Variants in EYA2 observed in about 807,000 individuals in gnomAD.
The protein encoded by EYA2 is protein phosphatase EYA2.
Under a neutral mutation model 69.2 loss-of-function variants are expected in EYA2, and 31 were observed. The ratio of observed to expected loss-of-function variants is 0.45; its 90% CI spans 0.34 to 0.60. The LOEUF (loss-of-function observed/expected upper bound fraction) is 0.60. EYA2 is among the 20% of genes least tolerant of loss of function. The probability of loss-of-function intolerance (pLI) is 0.02; values close to 1 mark genes in which losing one functional copy is unlikely to be tolerated. For missense variants in EYA2, 622 were observed against 701.2 expected, an observed-to-expected ratio of 0.89 and a Z score of 1.28; for synonymous variants, 257 against 279.4, an observed-to-expected ratio of 0.92 and a Z score of 0.80.
intron 1 of EYA2, among the ~76,000 whole-genome samples, chr20:46,916,262 A>G (rs929211179): frequency 2.6e-5 from 4 of 152,158 alleles, no homozygotes; most frequent in African/African-American, 9.7e-5. Flanking sequence ...TTGAAATGCT[A>G]TTAAACCAAA....
chr20:47,026,233 C>A (rs1984075558), intron 5 of EYA2, among the ~76,000 whole-genome samples: 1 of 152,188 alleles, frequency 6.6e-6, no homozygotes, highest in South Asian at 2.1e-4. Flanking sequence ...AGTTAGCCAT[C>A]TGGAGAAAAG....
chr20:47,165,138 T>C (rs960557142), intron 10 of EYA2, among the ~76,000 whole-genome samples: 1 of 152,214 alleles, frequency 6.6e-6, no homozygotes, highest in African/African-American at 2.4e-5. Context: ...TCAATATAAC[T>C]ATAACTAGCC....
intron 5 of EYA2, among the ~76,000 whole-genome samples, chr20:47,022,655 C>CTTTTTTT (rs3092574): frequency 5.7e-5 from 6 of 105,596 alleles, no homozygotes; most frequent in African/African-American, 1.5e-4. Flanking sequence ...TAAACTTCAC[C>CTTTTTTT]TTTTTTTTTT....
rs544580271 is a variant in EYA2, at chr20:47,008,603, C to T, written c.298+3519C>T. On this transcript the variant is annotated intron_variant, in intron 4 of 15. Coordinates refer to ENST00000327619, the MANE Select transcript of EYA2 (RefSeq NM_005244.5). ...AAACTAGCCCTGTTCCCAGACAAAA[C>T]ATGGCATCAGATGGAAATCAATTTG... Among the ~76,000 whole-genome samples, 7 of 152,348 alleles carry T rather than the reference C, an allele frequency of 4.6e-5. No homozygotes were observed. The South Asian group carries it at 8.3e-4, about 18-fold the overall frequency.
At chr20:46,969,223 T>C (rs1190953901) in intron 1 of EYA2, among the ~76,000 whole-genome samples, 1 of 150,606 alleles carries the variant, frequency 6.6e-6, no homozygotes, top group Non-Finnish European at 1.5e-5. Context: ...TTTTTGGTTT[T>C]TTTTTTGTTT....
intron 10 of EYA2, among the ~76,000 whole-genome samples, chr20:47,153,281 C>T (rs893843706): frequency 6.6e-6 from 1 of 151,922 alleles, no homozygotes; most frequent in Non-Finnish European, 1.5e-5. Context: ...GTACATCAAA[C>T]CAGTGATGTC....
At chr20:47,126,733 A>C (rs544834003) in intron 9 of EYA2, among the ~76,000 whole-genome samples, 1 of 152,266 alleles carries the variant, frequency 6.6e-6, no homozygotes, top group Admixed American at 6.5e-5. Context: ...TAGAGGAGTG[A>C]TTCTCAACTA....
At position 46,987,916 on chromosome 20, in the gene EYA2, G is replaced by GACACTCTCTCTCTCTCTCTC. The variant is rs56288405; in HGVS notation, c.-10-2085_-10-2084insACACTCTCTCTCTCTCTCTC. ...TACTCCAGCCTGGAAGACAGAGTAA[G>GACACTCTCTCTCTCTCTCTC]TCTCTCTCTCTCTCTCTCTCTCTCT... On this transcript the variant is annotated intron_variant, in intron 1 of 15. Transcript: ENST00000327619. Among the ~76,000 whole-genome samples, 9 of 20,376 alleles carry GACACTCTCTCTCTCTCTCTC rather than the reference G, an allele frequency of 4.4e-4. 1 individual carries two copies. The East Asian group carries it at 0.01, about 23-fold the overall frequency. The allele number at this position is 20,376 out of a possible 152,430, so 13.4% of individuals were successfully genotyped here.
intron 5 of EYA2, among the ~76,000 whole-genome samples, chr20:47,026,769 A>T (rs73123709): frequency 1.6e-3 from 244 of 152,252 alleles, no homozygotes; most frequent in Non-Finnish European, 2.6e-3. Context: ...CCCCCCACCA[A>T]CGCTGGGGAT....
intron 1 of EYA2, among the ~76,000 whole-genome samples, chr20:46,952,951 T>C (rs1342662267): frequency 6.6e-6 from 1 of 152,184 alleles, no homozygotes; most frequent in African/African-American, 2.4e-5. Context: ...AAATGAGACT[T>C]CCTGAAACAT....
At chr20:46,944,806 G>A (rs1978356619) in intron 1 of EYA2, among the ~76,000 whole-genome samples, 2 of 152,114 alleles carry the variant, frequency 1.3e-5, no homozygotes, top group South Asian at 4.1e-4. Flanking sequence ...CAATTCATTT[G>A]ATTTTTTAAA....
chr20:47,070,833 A>G (rs889249958), intron 5 of EYA2, among the ~76,000 whole-genome samples: 1 of 151,514 alleles, frequency 6.6e-6, no homozygotes, highest in African/African-American at 2.4e-5. Flanking sequence ...TTAAATAAAT[A>G]ATTTTTATTT....
chr20:46,978,682 GA>G, intron 1 of EYA2: 1 of 534,652 alleles, frequency 1.9e-6, no homozygotes, highest in Non-Finnish European at 3.8e-6. Context: ...GCTGCACAGA[GA>G]ACAAACTGGA....
intron 1 of EYA2, among the ~76,000 whole-genome samples, chr20:46,981,142 C>T (rs184691683): frequency 3.3e-5 from 5 of 152,204 alleles, no homozygotes; most frequent in Admixed American, 6.5e-5. Context: ...GTTTAGTCGG[C>T]CTTTGAGGAA....
intron 9 of EYA2, among the ~76,000 whole-genome samples, chr20:47,126,579 GT>G (rs563050789): frequency 6.6e-6 from 1 of 151,958 alleles, no homozygotes; most frequent in South Asian, 2.1e-4. Context: ...ACTTAGGTTT[GT>G]TTTTTTTCAT....
chr20:47,169,632 G>GA, intron 11 of EYA2, among the ~76,000 whole-genome samples: 1 of 150,928 alleles, frequency 6.6e-6, no homozygotes, highest in East Asian at 1.9e-4. Flanking sequence ...ATGCATAACA[G>GA]AAAAAATTCA....
At chr20:46,948,114 A>AC (rs1978576418) in intron 1 of EYA2, among the ~76,000 whole-genome samples, 1 of 151,390 alleles carries the variant, frequency 6.6e-6, no homozygotes, top group Non-Finnish European at 1.5e-5. Flanking sequence ...TGTCTCAAAA[A>AC]AAAAAAAAAG....
Position 46,912,787 on chromosome 20 carries a change from G to A in EYA2, c.-11+17800G>A, listed in dbSNP as rs1414577723. On this transcript the variant is annotated intron_variant, in intron 1 of 15. Coordinates refer to ENST00000327619, the MANE Select transcript of EYA2 (RefSeq NM_005244.5). Reference sequence around the variant, plus strand: ...GCAATCTCGGCTCACTGCAAGCTCCGCTTCCCGGGTTCACGCCATTCTCCT... The same window carrying A: ...GCAATCTCGGCTCACTGCAAGCTCCACTTCCCGGGTTCACGCCATTCTCCT... Among the ~76,000 whole-genome samples, 17 of 150,006 alleles carry A rather than the reference G, an allele frequency of 1.1e-4. No homozygotes were observed. The East Asian group carries it at 1.8e-3, about 16-fold the overall frequency.
intron 9 of EYA2, among the ~76,000 whole-genome samples, chr20:47,135,441 T>C (rs1398947081): frequency 1.3e-5 from 2 of 151,912 alleles, no homozygotes; most frequent in African/African-American, 4.8e-5. Flanking sequence ...AAGCACTCAC[T>C]AGAGATTGGC....
Sources: gnomAD v4.1 joint callset for allele counts (sites outside exome capture counted in the v4.1 genomes callset) on GRCh38, gnomAD v4.1.1 for gene constraint, MANE v1.5 for transcripts, NCBI Gene and HGNC (gene_info 2026-07-23, HGNC 2026-07-21) for gene names.